The following SCRN3 variants were observed in gnomAD, a reference collection of about 807,000 sequenced individuals.
The protein encoded by SCRN3 is secernin 3.
Under a neutral mutation model 43.1 loss-of-function variants are expected in SCRN3, and 39 were observed. The observed-to-expected ratio is 0.91, with a 90% confidence interval of 0.70 to 1.18. SCRN3 has a LOEUF of 1.18. Ranked by LOEUF, SCRN3 falls within the 50% of genes most tolerant of loss-of-function variation. The pLI is 0.00. For synonymous variants in SCRN3, 147 were observed against 163.1 expected (o/e 0.90, Z 0.75); for missense variants, 484 against 498.0 (o/e 0.97, Z 0.27).
At position 174,415,800 on chromosome 2, in the gene SCRN3, A is replaced by G. The variant is rs150698181; in HGVS notation, c.755-7085A>G. On this transcript the variant is annotated intron_variant, in intron 5 of 7. Coordinates refer to ENST00000272732, the MANE Select transcript of SCRN3 (RefSeq NM_024583.5). The stretch of plus-strand genomic sequence containing the variant: ...GCTGGGATTCCAGGTGTGCACTACC[A>G]TGCTAGGCTAATTTTTGTATTTTTT... Among the ~76,000 whole-genome samples the G allele has an allele frequency of 5.5e-3, 844 of 152,192 alleles. 5 individuals carry two copies. The highest frequency in any genetic ancestry group is 8.3e-3 in the Non-Finnish European group (565 of 68,018).
chr2:174,396,177 T>C, intron 1 of SCRN3: 1 of 811,294 alleles, frequency 1.2e-6, no homozygotes, highest in Non-Finnish European at 1.6e-6. Context: ...TGAAATAGAA[T>C]GACAGACAGC....
chr2:174,403,333 C>T (rs1685570407), intron 4 of SCRN3, among the ~76,000 whole-genome samples: 2 of 151,868 alleles, frequency 1.3e-5, no homozygotes, highest in East Asian at 1.9e-4. Flanking sequence ...ATGCAACTAC[C>T]ATACAACTTA....
At chr2:174,417,960 ATAAACT>A (rs1375815436) in intron 5 of SCRN3, among the ~76,000 whole-genome samples, 3 of 152,220 alleles carry the variant, frequency 2.0e-5, no homozygotes, top group African/African-American at 2.4e-5. Context: ...TTTGCTAGTA[ATAAACT>A]TAAAGGCTCA....
At chr2:174,424,758 T>C (rs1686425348) in intron 7 of SCRN3, 109 bp downstream of exon 7, 1 of 815,788 alleles carries the variant, frequency 1.2e-6, no homozygotes, top group South Asian at 2.0e-5. Flanking sequence ...GAAATAGTTT[T>C]AGGAATAGTT....
chr2:174,414,195 T>C (rs1476671905), intron 5 of SCRN3, among the ~76,000 whole-genome samples: 3 of 152,162 alleles, frequency 2.0e-5, no homozygotes, highest in African/African-American at 4.8e-5. Context: ...CTTAGCCACA[T>C]TGAAAGTAGA....
rs761209587 is a variant in SCRN3 at position 174,422,953 on chromosome 2, G to A, written c.823G>A (p.Glu275Lys). 1 of 1,612,814 alleles carries A rather than the reference G, an allele frequency of 6.2e-7. No individual in the cohort carries two copies. The highest frequency in any genetic ancestry group is 1.7e-5 in the Admixed American group (1 of 60,024). ...DKPSGINMEGEFLTTASMVSI... is the reference protein window; with the variant it reads ...DKPSGINMEGKFLTTASMVSI... ...ACCAAGTGGCATTAATATGGAGGGA[G>A]AATTCCTGACCACTGCAAGCATGGT... Residue 275 changes from glutamate (E) to lysine (K), a missense_variant, in exon 6 of 8, where the codon GAA becomes AAA. Physicochemically the swap from Glu to Lys is moderately conservative, Grantham distance 56 (BLOSUM62 1). Transcript: ENST00000272732.
At chr2:174,406,203 T>G (rs1685687843) in intron 5 of SCRN3, among the ~76,000 whole-genome samples, 1 of 137,122 alleles carries the variant, frequency 7.3e-6, no homozygotes, top group Admixed American at 7.3e-5. Context: ...CCTAGGTATT[T>G]TATTCTCTTT....
At chr2:174,413,586 C>CTTT (rs10524979) in intron 5 of SCRN3, among the ~76,000 whole-genome samples, 38 of 90,212 alleles carry the variant, frequency 4.2e-4, no homozygotes, top group African/African-American at 8.5e-4. Flanking sequence ...TTTGTCTTTC[C>CTTT]TTTTTTTTTT....
intron 7 of SCRN3, among the ~76,000 whole-genome samples, chr2:174,425,016 C>T (rs1686433324): frequency 6.6e-6 from 1 of 152,090 alleles, no homozygotes; most frequent in Admixed American, 6.6e-5. Flanking sequence ...GAGTAACTTG[C>T]TTAGTATATA....
Position 174,428,614 on chromosome 2 carries a change from T to G in SCRN3, c.*719T>G, listed in dbSNP as rs926628465. On this transcript the variant is annotated 3_prime_UTR_variant, in exon 8 of 8. Coordinates refer to ENST00000272732, the MANE Select transcript of SCRN3 (RefSeq NM_024583.5). ...GAACCAAAACCTTAGGATATACTGT[T>G]TCTGGGTCTGAAATCTCTCTCATTG... is the stretch of plus-strand genomic sequence containing the variant. 2 of 152,162 alleles carry G rather than the reference T, an allele frequency of 1.3e-5. No individual in the cohort carries two copies. Among genetic ancestry groups the G allele is most frequent in the Admixed American group, 1.3e-4 (2 of 15,268 alleles). The allele number at this position is 152,162 out of a possible 1,614,324, so 9.4% of individuals were successfully genotyped here.
At position 174,398,443 on chromosome 2, in the gene SCRN3, G is replaced by T. The variant is rs147792046; in HGVS notation, c.159+1G>T. On this transcript the variant is annotated splice_donor_variant, in intron 2 of 7. Transcript: ENST00000272732. LOFTEE classifies it high-confidence loss of function. ...TGATAACCTGGGAGAACGTCTTAAG[G>T]TAGGTGAAATAAATGTTTTGTTAGC... is the stretch of plus-strand genomic sequence containing the variant. 788 of 1,587,404 alleles carry T rather than the reference G, an allele frequency of 5.0e-4. 1 individual carries two copies. The highest frequency in any genetic ancestry group is 6.1e-4 in the Non-Finnish European group (719 of 1,171,982).
chr2:174,412,333 G>A (rs981596652), intron 5 of SCRN3, among the ~76,000 whole-genome samples: 2 of 151,642 alleles, frequency 1.3e-5, no homozygotes, highest in African/African-American at 4.8e-5. Flanking sequence ...GACATAGCAT[G>A]GGAGAAATCT....
At chr2:174,420,838 C>A (rs1210423325) in intron 5 of SCRN3, among the ~76,000 whole-genome samples, 5 of 152,010 alleles carry the variant, frequency 3.3e-5, no homozygotes, top group African/African-American at 1.2e-4. Flanking sequence ...GTGAAAAGGT[C>A]TCACATACAT....
In SCRN3 at chr2:174,400,009, G is replaced by A; in HGVS notation, c.247G>A (p.Ala83Thr). ...PAWLWGAEMG[A>T]NEHGVCIGNE... ...GTGGTTGTGGGGGGCAGAAATGGGA[G>A]CCAATGAGCATGGAGTTTGCATTGG... is the stretch of plus-strand genomic sequence containing the variant. Residue 83 changes from alanine (A) to threonine (T), a missense_variant, in exon 3 of 8, where the codon GCC becomes ACC. Physicochemically the swap from Ala to Thr is moderately conservative, Grantham distance 58. Transcript: ENST00000272732. 3 of 1,599,298 alleles carry A rather than the reference G, an allele frequency of 1.9e-6. No individual in the cohort carries two copies. Among genetic ancestry groups the A allele is most frequent in the Non-Finnish European group, 2.6e-6 (3 of 1,174,352 alleles).
intron 5 of SCRN3, 37 bp from the exon 6 acceptor site, chr2:174,422,844 TATGC>T (rs1686338240): frequency 7.6e-7 from 1 of 1,320,146 alleles, no homozygotes; most frequent in Admixed American, 1.8e-5. Context: ...GGCATCCGTA[TATGC>T]ATATGTATTT....
chr2:174,396,129 A>C, intron 1 of SCRN3: 2 of 944,204 alleles, frequency 2.1e-6, no homozygotes, highest in Non-Finnish European at 2.7e-6. Flanking sequence ...ATCCAACAAT[A>C]TGATGTTTCT....
Position 174,404,181 on chromosome 2 carries a change from C to G in SCRN3, c.620C>G (p.Ala207Gly), listed in dbSNP as rs1472340977. Residue 207 changes from alanine to glycine, a missense_variant, in exon 5 of 8, where the codon GCT becomes GGT. By Grantham distance (60) the Ala-to-Gly change is moderately conservative (BLOSUM62 0). Transcript: ENST00000272732. The part of the protein sequence containing the change: ...AREHPDMRNY[A>G]KRKGWWDGKK... ...GAACACCCAGACATGAGAAACTATG[C>G]TAAGCGGAAAGGTTGGTGGGATGGT... is the stretch of plus-strand genomic sequence containing the variant. 3.1e-6 allele frequency: 5 copies of G among 1,613,852 alleles called. No individual in the cohort carries two copies. The highest frequency in any genetic ancestry group is 4.2e-6 in the Non-Finnish European group (5 of 1,179,856).
chr2:174,395,887 G>C (rs1232821380), intron 1 of SCRN3, 70 bp downstream of exon 1: 11 of 1,443,586 alleles, frequency 7.6e-6, no homozygotes, highest in Non-Finnish European at 1.0e-5. Flanking sequence ...ACTGTGGCGC[G>C]GCACTGCTTG....
At chr2:174,414,466 ATAACT>A (rs1177121099) in intron 5 of SCRN3, among the ~76,000 whole-genome samples, 1 of 152,184 alleles carries the variant, frequency 6.6e-6, no homozygotes, top group African/African-American at 2.4e-5. Context: ...TTTTCTCCAC[ATAACT>A]TTAGTTAGCA....
Sources: gnomAD v4.1 joint callset for allele counts (sites outside exome capture counted in the v4.1 genomes callset) on GRCh38, gnomAD v4.1.1 for gene constraint, MANE v1.5 for transcripts, NCBI Gene and HGNC (gene_info 2026-07-23, HGNC 2026-07-21) for gene names.